The following C5orf63 variants were observed in gnomAD, a reference collection of about 807,000 sequenced individuals.
C5orf63 encodes the protein glutaredoxin-like protein C5orf63.
A neutral mutation model predicts 13.3 loss-of-function variants in C5orf63; 18 were observed. That is an observed-to-expected ratio of 1.36 (90% CI 0.94 to 2.01). C5orf63 has a LOEUF of 2.01. Among genes scored for constraint, C5orf63 ranks in the 30% most tolerant of loss-of-function variants. The pLI, the probability that C5orf63 is intolerant of heterozygous loss-of-function variation, is 0.00. For missense variants in C5orf63, 118 were observed against 127.7 expected (o/e 0.92, Z 0.36); for synonymous variants, 38 against 44.7 (o/e 0.85, Z 0.60).
intron 3 of C5orf63, among the ~76,000 whole-genome samples, chr5:127,053,669 T>C (rs1753772583): frequency 6.6e-6 from 1 of 152,144 alleles, no homozygotes; most frequent in African/African-American, 2.4e-5. Context: ...CACCTATGAG[T>C]GAGAACACGC....
intron 2 of C5orf63, among the ~76,000 whole-genome samples, chr5:127,069,851 T>G (rs904157612): frequency 6.6e-6 from 1 of 152,136 alleles, no homozygotes; most frequent in African/African-American, 2.4e-5. Flanking sequence ...TCCCCTTGCT[T>G]TATGTATAAG....
chr5:127,047,995 G>A (rs1171266174), downstream of C5orf63: 1 of 615,358 alleles, frequency 1.6e-6, no homozygotes, highest in Admixed American at 2.8e-5. Flanking sequence ...CTACTTTCTG[G>A]ACCCAATAAA....
intron 2 of C5orf63, among the ~76,000 whole-genome samples, chr5:127,070,905 A>T (rs1754514656): frequency 6.6e-6 from 1 of 152,134 alleles, no homozygotes; most frequent in Non-Finnish European, 1.5e-5. Context: ...GTATTCCCAA[A>T]TACACTCTTC....
intron 2 of C5orf63, among the ~76,000 whole-genome samples, chr5:127,064,511 T>A (rs926985039): frequency 1.3e-5 from 2 of 152,314 alleles, no homozygotes; most frequent in Non-Finnish European, 2.9e-5. Context: ...CTACACAGTT[T>A]GGACTGCAGA....
chr5:127,069,738 G>C (rs1754463408), intron 2 of C5orf63, among the ~76,000 whole-genome samples: 1 of 152,104 alleles, frequency 6.6e-6, no homozygotes, highest in African/African-American at 2.4e-5. Flanking sequence ...GCATCCCTCA[G>C]TTATGTGGGA....
chr5:127,055,822 G>A (rs1753863882), intron 3 of C5orf63, among the ~76,000 whole-genome samples: 1 of 152,106 alleles, frequency 6.6e-6, no homozygotes, highest in Admixed American at 6.5e-5. Context: ...AATCTAGATT[G>A]GGTTTTCTGT....
At chr5:127,043,907 A>T (rs1351755069), downstream of C5orf63, 3 of 152,118 alleles carry the variant, frequency 2.0e-5, no homozygotes, top group Non-Finnish European at 2.9e-5. Context: ...CGTTTTCTAA[A>T]ATTTATTTCC....
chr5:127,062,504 A>G (rs1027703618), intron 2 of C5orf63, among the ~76,000 whole-genome samples: 3 of 152,186 alleles, frequency 2.0e-5, no homozygotes, highest in African/African-American at 7.2e-5. Context: ...AAAGCTCCCT[A>G]TACCTCTTCT....
At chr5:127,053,381 T>C (rs979408769) in intron 3 of C5orf63, among the ~76,000 whole-genome samples, 25 of 151,838 alleles carry the variant, frequency 1.6e-4, no homozygotes, top group Admixed American at 1.4e-3. Context: ...TTTATTTTTT[T>C]CCCACTTTCT....
chr5:127,065,341 A>C (rs752353305), intron 2 of C5orf63, among the ~76,000 whole-genome samples: 2 of 152,234 alleles, frequency 1.3e-5, no homozygotes, highest in Non-Finnish European at 2.9e-5. Flanking sequence ...AAATACTGTA[A>C]CAGGGCCATA....
downstream of C5orf63, chr5:127,043,101 C>T (rs553313441): frequency 2.0e-5 from 3 of 152,250 alleles, no homozygotes; most frequent in South Asian, 2.1e-4. Context: ...GTGTACAGGT[C>T]ATAAAACATC....
At chr5:127,063,038 G>C (rs1754167594) in intron 2 of C5orf63, among the ~76,000 whole-genome samples, 1 of 151,878 alleles carries the variant, frequency 6.6e-6, no homozygotes, top group Non-Finnish European at 1.5e-5. Context: ...CATAAGATTG[G>C]ATTTAGAATG....
In C5orf63 at chr5:127,051,485, C is replaced by A; in HGVS notation, c.*286G>T. On this transcript the variant is annotated 3_prime_UTR_variant, in exon 5 of 5. Coordinates refer to ENST00000296662, the MANE Select transcript of C5orf63 (RefSeq NM_001164478.2). ...TGCCCAGTGACTGTGAAGTGCTTCT[C>A]TATTAATACAAAAAGGATAAATAAG... 8.1e-7 allele frequency: 1 copy of A among 1,235,178 alleles called. No homozygotes were observed. The highest frequency in any genetic ancestry group is 4.1e-5 in the South Asian group (1 of 24,680). The allele number at this position is 1,235,178 out of a possible 1,614,324, so 76.5% of individuals were successfully genotyped here.
intron 2 of C5orf63, among the ~76,000 whole-genome samples, chr5:127,069,022 C>T (rs1754433477): frequency 6.6e-6 from 1 of 152,140 alleles, no homozygotes; most frequent in Non-Finnish European, 1.5e-5. Flanking sequence ...CAGCATATTC[C>T]AAATTCAGAG....
At chr5:127,069,269 T>C (rs1754443457) in intron 2 of C5orf63, among the ~76,000 whole-genome samples, 1 of 152,210 alleles carries the variant, frequency 6.6e-6, no homozygotes, top group African/African-American at 2.4e-5. Context: ...CTTTCCACAT[T>C]ATCCTTCTTA....
intron 1 of C5orf63, among the ~76,000 whole-genome samples, chr5:127,072,503 T>C (rs767518427): frequency 2.0e-5 from 3 of 152,194 alleles, no homozygotes; most frequent in African/African-American, 7.2e-5. Flanking sequence ...ATAGCTCTAG[T>C]GGCTGCTTAA....
At chr5:127,072,554 G>C (rs1404866841) in intron 1 of C5orf63, among the ~76,000 whole-genome samples, 1 of 152,170 alleles carries the variant, frequency 6.6e-6, no homozygotes, top group Admixed American at 6.6e-5. Flanking sequence ...GCGCTAGAAA[G>C]TATTGGGATA....
chr5:127,056,973 T>C (rs574495880), intron 3 of C5orf63, among the ~76,000 whole-genome samples: 2 of 152,184 alleles, frequency 1.3e-5, no homozygotes, highest in South Asian at 2.1e-4. Context: ...GAATGGAAAA[T>C]TGGTGTGGTT....
chr5:127,053,436 TA>T lies in C5orf63; in HGVS notation c.115-768del, dbSNP rs530952830. ...CTTTTATTATATATGTTATATATAT[TA>T]TACCTTTTTATTATACTTTAAGTTC... On this transcript the variant is annotated intron_variant, in intron 3 of 4. Coordinates refer to ENST00000296662, the MANE Select transcript of C5orf63 (RefSeq NM_001164478.2). Among the ~76,000 whole-genome samples, 33 of 151,918 alleles carry T rather than the reference TA, an allele frequency of 2.2e-4. 1 individual carries two copies. The East Asian group carries it at 6.4e-3, about 29-fold the overall frequency.
Sources: gnomAD v4.1 joint callset for allele counts (sites outside exome capture counted in the v4.1 genomes callset) on GRCh38, gnomAD v4.1.1 for gene constraint, MANE v1.5 for transcripts, NCBI Gene and HGNC (gene_info 2026-07-23, HGNC 2026-07-21) for gene names.